NUP93: variants seen among roughly 807,000 people sequenced by gnomAD.
NUP93 encodes nucleoporin 93.
In NUP93, 55 loss-of-function variants were observed where a neutral mutation model predicts 107.8. That is an observed-to-expected ratio of 0.51 (90% CI 0.41 to 0.64). The LOEUF is 0.64. Among genes scored for constraint, NUP93 ranks in the 30% least tolerant of loss-of-function variants. The pLI, the probability that NUP93 is intolerant of heterozygous loss-of-function variation, is 0.00. For missense variants in NUP93, 937 were observed against 1,044.7 expected (o/e 0.90, Z 1.42); for synonymous variants, 390 against 397.5 (o/e 0.98, Z 0.22).
intron 2 of NUP93, among the ~76,000 whole-genome samples, chr16:56,750,242 A>G (rs1961894185): frequency 1.3e-5 from 2 of 152,186 alleles, no homozygotes. Flanking sequence ...GAATGGGCAT[A>G]GGGTGGGGCA....
At chr16:56,790,449 A>G (rs183801992) in intron 3 of NUP93, among the ~76,000 whole-genome samples, 232 of 152,320 alleles carry the variant, frequency 1.5e-3, no homozygotes, top group African/African-American at 5.3e-3. Flanking sequence ...AGGCACCACA[A>G]AAGGGAGCTA....
At chr16:56,836,070 A>G (rs1296639492) in intron 16 of NUP93, among the ~76,000 whole-genome samples, 2 of 150,582 alleles carry the variant, frequency 1.3e-5, no homozygotes, top group East Asian at 2.0e-4. Flanking sequence ...CAGAGCTTGC[A>G]GTGAGCCGAG....
chr16:56,739,959 A>T (rs1373251020), intron 1 of NUP93, among the ~76,000 whole-genome samples: 1 of 41,644 alleles, frequency 2.4e-5, no homozygotes, highest in Non-Finnish European at 4.9e-5. Context: ...GACCCCCCCC[A>T]CCTCCCTCCC....
intron 3 of NUP93, among the ~76,000 whole-genome samples, chr16:56,767,669 A>G (rs746789588): frequency 2.0e-5 from 3 of 152,208 alleles, no homozygotes; most frequent in Non-Finnish European, 4.4e-5. Flanking sequence ...AGGTACCAAA[A>G]TACACTAGTG....
intron 3 of NUP93, among the ~76,000 whole-genome samples, chr16:56,765,532 C>T (rs1454073728): frequency 1.3e-5 from 2 of 152,176 alleles, no homozygotes; most frequent in Non-Finnish European, 2.9e-5. Context: ...TTTCCTGGAA[C>T]ACCAGGTACA....
At chr16:56,785,451 T>C (rs962188608) in intron 3 of NUP93, among the ~76,000 whole-genome samples, 4 of 152,186 alleles carry the variant, frequency 2.6e-5, no homozygotes. Flanking sequence ...CTCTTCAATC[T>C]GGAAACTCTT....
intron 3 of NUP93, chr16:56,781,853 C>G: frequency 1.0e-6 from 1 of 985,316 alleles, no homozygotes; most frequent in Non-Finnish European, 1.2e-6. Context: ...TTTGTGCTTT[C>G]AAACTGATGG....
At chr16:56,837,580 G>A in intron 17 of NUP93, 28 bp from the exon 18 acceptor site, 1 of 1,512,152 alleles carries the variant, frequency 6.6e-7, no homozygotes, top group South Asian at 1.1e-5. Context: ...TTTATTGATT[G>A]CTTCCTTAAT....
chr16:56,778,170 A>G (rs1176773405), intron 3 of NUP93, among the ~76,000 whole-genome samples: 1 of 152,238 alleles, frequency 6.6e-6, no homozygotes, highest in Non-Finnish European at 1.5e-5. Flanking sequence ...GAAGCGGTTA[A>G]TAACGAATGA....
intron 5 of NUP93, among the ~76,000 whole-genome samples, chr16:56,816,208 C>T (rs545667559): frequency 1.3e-5 from 2 of 152,202 alleles, no homozygotes; most frequent in Non-Finnish European, 2.9e-5. Context: ...GAGTTAATAA[C>T]ATGGAAATTC....
chr16:56,839,509 T>G lies in NUP93; in HGVS notation c.2137-12T>G, dbSNP rs753817158. On this transcript the variant is annotated splice_polypyrimidine_tract_variant and intron_variant, in intron 19 of 21. Coordinates refer to ENST00000308159, the MANE Select transcript of NUP93 (RefSeq NM_014669.5). ...GGTTGTGTTACATGGGGCCGGTGGTTGTTTTAAACAGATCATTGAGCGCTT... is the reference window on the plus strand; with the variant it reads ...GGTTGTGTTACATGGGGCCGGTGGTGGTTTTAAACAGATCATTGAGCGCTT... The G allele has an allele frequency of 5.0e-6, 8 of 1,595,988 alleles. No individual in the cohort carries two copies. The highest frequency in any genetic ancestry group is 3.5e-5 in the Admixed American group (2 of 56,430).
At chr16:56,761,934 T>G (rs575556032) in intron 3 of NUP93, among the ~76,000 whole-genome samples, 1 of 152,342 alleles carries the variant, frequency 6.6e-6, no homozygotes, top group Non-Finnish European at 1.5e-5. Flanking sequence ...AGGTAGTATA[T>G]TAAAGAAACG....
intron 6 of NUP93, among the ~76,000 whole-genome samples, chr16:56,820,622 G>A (rs189188762): frequency 3.9e-5 from 6 of 152,302 alleles, no homozygotes; most frequent in South Asian, 4.1e-4. Context: ...CAGCGAAACC[G>A]TTTAATCTTC....
chr16:56,757,841 T>G (rs2144480719), intron 2 of NUP93, among the ~76,000 whole-genome samples: 1 of 152,364 alleles, frequency 6.6e-6, no homozygotes, highest in South Asian at 2.1e-4. Flanking sequence ...TTTAGTTTCC[T>G]TAGCTCATGA....
At chr16:56,826,128 G>A (rs1297318653) in intron 8 of NUP93, among the ~76,000 whole-genome samples, 3 of 152,186 alleles carry the variant, frequency 2.0e-5, no homozygotes, top group Admixed American at 6.5e-5. Flanking sequence ...CACATGAACT[G>A]TCTTAATTCA....
chr16:56,786,685 C>T (rs149300277), intron 3 of NUP93, among the ~76,000 whole-genome samples: 6 of 152,190 alleles, frequency 3.9e-5, no homozygotes, highest in East Asian at 1.9e-4. Flanking sequence ...TGTGTTGGCT[C>T]GGCATGAACG....
chr16:56,787,105 A>G (rs1029032751), intron 3 of NUP93, among the ~76,000 whole-genome samples: 2 of 152,240 alleles, frequency 1.3e-5, no homozygotes, highest in African/African-American at 4.8e-5. Context: ...AATACTGTTA[A>G]CAAAGGAATA....
chr16:56,773,059 G>A (rs1237457761), intron 3 of NUP93, among the ~76,000 whole-genome samples: 2 of 152,212 alleles, frequency 1.3e-5, no homozygotes, highest in Non-Finnish European at 2.9e-5. Context: ...TCATTGTGTG[G>A]TGAGAGCAGA....
intron 3 of NUP93, among the ~76,000 whole-genome samples, chr16:56,791,323 C>T (rs1962757561): frequency 6.6e-6 from 1 of 152,198 alleles, no homozygotes; most frequent in Admixed American, 6.5e-5. Flanking sequence ...AATTCAGACT[C>T]TGTGTAACTG....
Sources: gnomAD v4.1 joint callset for allele counts (sites outside exome capture counted in the v4.1 genomes callset) on GRCh38, gnomAD v4.1.1 for gene constraint, MANE v1.5 for transcripts, NCBI Gene and HGNC (gene_info 2026-07-23, HGNC 2026-07-21) for gene names.